The following NOCT variants were observed in gnomAD, a reference collection of about 807,000 sequenced individuals.
The protein encoded by NOCT is nocturnin.
A neutral mutation model predicts 35.0 loss-of-function variants in NOCT; 18 were observed. That is an observed-to-expected ratio of 0.51 (90% confidence interval 0.36 to 0.76). NOCT has a LOEUF of 0.76. NOCT is among the 30% of genes least tolerant of loss of function. The pLI is 0.01. For missense variants in NOCT, 479 were observed against 541.0 expected (o/e 0.89, Z 1.14); for synonymous variants, 235 against 226.3 (o/e 1.04, Z -0.34).
At chr4:139,034,586 G>A (rs77447022) in intron 1 of NOCT, among the ~76,000 whole-genome samples, 1 of 151,766 alleles carries the variant, frequency 6.6e-6, no homozygotes, top group African/African-American at 2.4e-5. Flanking sequence ...TGTGGTGGTG[G>A]TGGTGAAAGG....
chr4:139,025,664 G>A (rs1322105874), intron 1 of NOCT, among the ~76,000 whole-genome samples: 2 of 152,164 alleles, frequency 1.3e-5, no homozygotes, highest in African/African-American at 2.4e-5. Context: ...AGCCATGCGT[G>A]GTGGCGGGTG....
rs753800509 is a variant in NOCT at position 139,045,129 on chromosome 4, T to G, written c.951T>G (p.Ile317Met). The change falls in exon 3 of 3, where the codon ATT (isoleucine) becomes ATG (methionine). Residue 317 changes from isoleucine (I) to methionine (M), a missense_variant. Ile to Met is a conservative substitution (Grantham distance 10). This residue lies in a region of NOCT where 214 missense variants were observed against 284.0 expected (regional missense o/e 0.75). Transcript: ENST00000280614. ...NLQNITQGAK[I>M]PLIVCGDFNA... Reference sequence around the variant, plus strand: ...AAAACATCACCCAAGGAGCCAAGATTCCCCTTATTGTGTGTGGGGACTTCA... The same window carrying G: ...AAAACATCACCCAAGGAGCCAAGATGCCCCTTATTGTGTGTGGGGACTTCA... 1 of 1,614,140 alleles carries G rather than the reference T, an allele frequency of 6.2e-7. No individual in the cohort carries two copies. The highest frequency in any genetic ancestry group is 1.1e-5 in the South Asian group (1 of 91,076).
intron 1 of NOCT, among the ~76,000 whole-genome samples, chr4:139,027,789 C>T (rs1354933167): frequency 6.6e-6 from 1 of 152,168 alleles, no homozygotes; most frequent in South Asian, 2.1e-4. Context: ...TGAGCCAACG[C>T]GCCTGGCCTA....
chr4:139,030,217 C>G (rs1297724719), intron 1 of NOCT, among the ~76,000 whole-genome samples: 1 of 152,172 alleles, frequency 6.6e-6, no homozygotes, highest in Admixed American at 6.5e-5. Context: ...CCTCATTACA[C>G]TTTTGAACCT....
chr4:139,034,556 T>C (rs1394242303), intron 1 of NOCT, among the ~76,000 whole-genome samples: 1 of 152,022 alleles, frequency 6.6e-6, no homozygotes, highest in Non-Finnish European at 1.5e-5. Context: ...CTAGCCCTGG[T>C]TTGTTTGCTG....
intron 1 of NOCT, among the ~76,000 whole-genome samples, chr4:139,022,242 G>A (rs1267828581): frequency 6.6e-6 from 1 of 152,144 alleles, no homozygotes; most frequent in Non-Finnish European, 1.5e-5. Context: ...GAGAAAATCA[G>A]CCTTCCCACG....
At chr4:139,021,070 CAAAAA>C (rs942925444) in intron 1 of NOCT, among the ~76,000 whole-genome samples, 3 of 55,644 alleles carry the variant, frequency 5.4e-5, no homozygotes, top group African/African-American at 1.2e-4. Flanking sequence ...TACTCTGTCT[CAAAAA>C]AAAAAAAAAA....
At chr4:139,042,658 G>C (rs1726855571) in intron 1 of NOCT, among the ~76,000 whole-genome samples, 1 of 152,148 alleles carries the variant, frequency 6.6e-6, no homozygotes, top group Admixed American at 6.5e-5. Context: ...GCTCATGCTT[G>C]TAATCCCAGC....
chr4:139,029,462 G>A (rs1289406609), intron 1 of NOCT, among the ~76,000 whole-genome samples: 1 of 152,176 alleles, frequency 6.6e-6, no homozygotes. Flanking sequence ...GAGAGCTGAG[G>A]CTTTAGCTAT....
chr4:139,020,253 A>G (rs9684900), intron 1 of NOCT, among the ~76,000 whole-genome samples: 96,682 of 152,114 alleles, frequency 0.64, 31,792 homozygotes, highest in Admixed American at 0.75. Context: ...GACTTTACCT[A>G]GAACAAATGA....
In NOCT at chr4:139,043,872, G is replaced by A. The variant is rs183014234; in HGVS notation, c.460+529G>A. 446 of 152,478 alleles carry A rather than the reference G, an allele frequency of 2.9e-3. 3 individuals carry two copies. The highest frequency in any genetic ancestry group is 9.4e-3 in the African/African-American group (390 of 41,346). The allele number at this position is 152,478 out of a possible 1,614,324, so 9.4% of individuals were successfully genotyped here. On this transcript the variant is annotated intron_variant, in intron 2 of 2. Coordinates refer to ENST00000280614, the MANE Select transcript of NOCT (RefSeq NM_012118.4). Reference sequence around the variant, plus strand: ...GGTGGTTGCAGTGAGCTGAGATTGCGCCATTGCACTGCAGCCTGGGCAACA... The same window carrying A: ...GGTGGTTGCAGTGAGCTGAGATTGCACCATTGCACTGCAGCCTGGGCAACA...
At position 139,041,463 on chromosome 4, in the gene NOCT, T is replaced by C. The variant is rs566443642; in HGVS notation, c.191-1611T>C. On this transcript the variant is annotated intron_variant, in intron 1 of 2. Coordinates refer to ENST00000280614, the MANE Select transcript of NOCT (RefSeq NM_012118.4). ...TTATCATACAGAGAATCTTGGATGTTACTCCCAGTAAAATGTGCCCCTAAT... is the reference window on the plus strand; with the variant it reads ...TTATCATACAGAGAATCTTGGATGTCACTCCCAGTAAAATGTGCCCCTAAT... Among the ~76,000 whole-genome samples the C allele has an allele frequency of 4.6e-5, 7 of 152,352 alleles. No individual in the cohort carries two copies. In the East Asian group the frequency reaches 9.6e-4, roughly 21 times the overall value.
intron 1 of NOCT, among the ~76,000 whole-genome samples, chr4:139,022,631 G>A (rs1222132219): frequency 6.6e-6 from 1 of 152,178 alleles, no homozygotes; most frequent in Non-Finnish European, 1.5e-5. Context: ...CCTATTCTAA[G>A]TCTCTCAGTG....
At chr4:139,038,725 C>T (rs1193056866) in intron 1 of NOCT, among the ~76,000 whole-genome samples, 3 of 152,144 alleles carry the variant, frequency 2.0e-5, no homozygotes, top group South Asian at 4.1e-4. Flanking sequence ...TTTTCTCATC[C>T]TGCCCCCTCC....
chr4:139,036,422 A>T (rs1475003982), intron 1 of NOCT, among the ~76,000 whole-genome samples: 1 of 152,162 alleles, frequency 6.6e-6, no homozygotes, highest in East Asian at 1.9e-4. Flanking sequence ...CAAAAAATGA[A>T]TGAACAGTCG....
At chr4:139,018,886 G>A (rs1394103624) in intron 1 of NOCT, among the ~76,000 whole-genome samples, 1 of 152,126 alleles carries the variant, frequency 6.6e-6, no homozygotes, top group Non-Finnish European at 1.5e-5. Context: ...GGTTAGGATT[G>A]GAAGAGATTA....
At chr4:139,031,652 AT>A (rs1726626683) in intron 1 of NOCT, among the ~76,000 whole-genome samples, 1 of 152,028 alleles carries the variant, frequency 6.6e-6, no homozygotes, top group Non-Finnish European at 1.5e-5. Context: ...GTGTGTAGTA[AT>A]TGGTAGTATT....
chr4:139,021,352 CTCAAG>C (rs1289755350), intron 1 of NOCT, among the ~76,000 whole-genome samples: 1 of 151,794 alleles, frequency 6.6e-6, no homozygotes, highest in East Asian at 2.0e-4. Flanking sequence ...GGCACAGTGG[CTCAAG>C]CCTGTAATCC....
chr4:139,044,751 G>A lies in NOCT; in HGVS notation c.573G>A (p.Leu191=). The A allele has an allele frequency of 6.2e-7, 1 of 1,614,102 alleles. No individual in the cohort carries two copies. The highest frequency in any genetic ancestry group is 8.5e-7 in the Non-Finnish European group (1 of 1,179,980). Residue 191 remains leucine (L), a synonymous_variant, in exon 3 of 3, where the codon TTG becomes TTA. Transcript: ENST00000280614. ...EEILAYQPDI[L]CLQEVDHYFD... is the part of the protein sequence containing the mutation. The stretch of plus-strand genomic sequence containing the variant: ...TCCTGGCCTACCAGCCTGATATATT[G>A]TGCCTCCAAGAGGTGGACCACTATT...
Sources: allele counts gnomAD v4.1 joint callset (sites outside exome capture counted in the v4.1 genomes callset), GRCh38; gene constraint gnomAD v4.1.1; regional missense constraint gnomAD v4.1.1; transcripts MANE v1.5; gene names NCBI Gene and HGNC (gene_info 2026-07-23, HGNC 2026-07-21).